The following PTPN3 variants were observed in gnomAD, a reference collection of about 807,000 sequenced individuals.
The protein encoded by PTPN3 is protein tyrosine phosphatase non-receptor type 3.
In PTPN3, 96 loss-of-function variants were observed where a neutral mutation model predicts 132.7. The ratio of observed to expected loss-of-function variants is 0.72; its 90% confidence interval spans 0.61 to 0.86. The LOEUF is 0.86. Ranked by LOEUF, PTPN3 falls within the 40% of genes least tolerant of loss-of-function variation. The probability of loss-of-function intolerance (pLI) is 0.00; values close to 1 mark genes in which losing one functional copy is unlikely to be tolerated. For missense variants in PTPN3, 1,125 were observed against 1,159.6 expected (o/e 0.97, Z 0.43); for synonymous variants, 398 against 429.0 (o/e 0.93, Z 0.89).
the PTPN3 span, among the ~76,000 whole-genome samples, chr9:109,520,650 T>C: frequency 2.0e-5 from 3 of 152,214 alleles, no homozygotes; most frequent in East Asian, 5.8e-4. Flanking sequence ...ACAGTTTGTG[T>C]CAAGCACACA....
At chr9:109,451,886 A>G (rs1845269280) in intron 5 of PTPN3, among the ~76,000 whole-genome samples, 1 of 152,186 alleles carries the variant, frequency 6.6e-6, no homozygotes, top group African/African-American at 2.4e-5. Context: ...GACAATCACT[A>G]GTTTAGGCAG....
intron 19 of PTPN3, among the ~76,000 whole-genome samples, chr9:109,397,128 G>A (rs1242254727): frequency 4.6e-5 from 7 of 152,192 alleles, no homozygotes; most frequent in Non-Finnish European, 8.8e-5. Flanking sequence ...GACAGCAAAG[G>A]CCAGAAGCAG....
chr9:109,396,476 G>A (rs1043633863), intron 19 of PTPN3, among the ~76,000 whole-genome samples: 2 of 152,192 alleles, frequency 1.3e-5, no homozygotes, highest in African/African-American at 4.8e-5. Context: ...CCTGGCTGCA[G>A]GTCCCTTAGA....
In PTPN3 at chr9:109,438,204, T is replaced by C; in HGVS notation, c.497A>G (p.His166Arg). 1.2e-6 allele frequency: 2 copies of C among 1,613,068 alleles called. No individual in the cohort carries two copies. The highest frequency in any genetic ancestry group is 1.7e-6 in the Non-Finnish European group (2 of 1,179,194). ...SHFGDYNSSI[H>R]HPGYLSDSHF... ...ACTATCGGAAAGATAGCCTGGATGA[T>C]GTATGGAAGAATTATAGTCTCCAAA... is the stretch of plus-strand genomic sequence containing the variant. The change falls in exon 8 of 26, where the codon CAT becomes CGT. Residue 166 changes from histidine to arginine, a missense_variant. His to Arg is a conservative substitution (Grantham distance 29). Transcript: ENST00000374541.
intron 2 of PTPN3, among the ~76,000 whole-genome samples, chr9:109,461,646 G>A (rs556406513): frequency 3.3e-5 from 5 of 152,012 alleles, no homozygotes; most frequent in African/African-American, 1.2e-4. Context: ...AGTCCCAGCT[G>A]CTTGGGAGGC....
At chr9:109,381,596 C>G (rs1839091298) in intron 25 of PTPN3, 56 bp downstream of exon 25, 1 of 1,596,978 alleles carries the variant, frequency 6.3e-7, no homozygotes, top group South Asian at 1.1e-5. Flanking sequence ...CTCAGGCCTG[C>G]CTGGTGTAAG....
At chr9:109,441,544 C>T (rs914914544) in intron 7 of PTPN3, among the ~76,000 whole-genome samples, 1 of 152,192 alleles carries the variant, frequency 6.6e-6, no homozygotes, top group Non-Finnish European at 1.5e-5. Context: ...AGGCTGTAGA[C>T]TCCTTGGGGA....
intron 12 of PTPN3, among the ~76,000 whole-genome samples, chr9:109,424,986 A>G (rs1191262748): frequency 6.6e-6 from 1 of 152,230 alleles, no homozygotes; most frequent in Non-Finnish European, 1.5e-5. Context: ...CAGCTCAGCA[A>G]CAGAGGGCAT....
Position 109,433,327 on chromosome 9 carries a change from C to T in PTPN3, c.676-166G>A, listed in dbSNP as rs543002930. 1.0e-3 allele frequency among the ~76,000 whole-genome samples: 157 copies of T among 152,268 alleles called. 2 individuals are homozygous for T. In the Middle Eastern group the frequency reaches 0.017, roughly 16 times the overall value. ...GCCCCACTTAACGGATACTTAAGAT[C>T]GAAGTACTGAGTACCAAATTCTTCT... On this transcript the variant is annotated intron_variant, in intron 9 of 25. Transcript: ENST00000374541.
chr9:109,386,634 C>A (rs1297702957), intron 22 of PTPN3, among the ~76,000 whole-genome samples: 5 of 152,104 alleles, frequency 3.3e-5, no homozygotes, highest in Non-Finnish European at 7.4e-5. Context: ...ATGGATCATT[C>A]AGGCAGAGGG....
chr9:109,379,562 A>G lies in PTPN3; in HGVS notation c.2736T>C (p.Pro912=), dbSNP rs1564365263. The G allele has an allele frequency of 3.7e-6, 6 of 1,613,032 alleles. No individual in the cohort carries two copies. Among genetic ancestry groups the G allele is most frequent in the Non-Finnish European group, 5.1e-6 (6 of 1,179,096 alleles). ...GAACTTTTTCACAGTTGTCTTAACT[A>G]GGATCCAGCATTTGGACTAAACCTT... ...YEEGLVQMLD[P]S The change falls in exon 26 of 26, where the codon CCT becomes CCC. Residue 912 remains proline (P), a synonymous_variant. Transcript: ENST00000374541.
chr9:109,510,710 G>A, the PTPN3 span, among the ~76,000 whole-genome samples: 1 of 150,252 alleles, frequency 6.7e-6, no homozygotes, highest in Non-Finnish European at 1.5e-5. Flanking sequence ...GAAAATGCTA[G>A]CACTAGTGAT....
Position 109,375,892 on chromosome 9 carries a change from A to C in PTPN3, c.*3664T>G, listed in dbSNP as rs1321131778. The C allele has an allele frequency of 6.6e-6, 1 of 152,240 alleles. No homozygotes were observed. The highest frequency in any genetic ancestry group is 1.9e-4 in the East Asian group (1 of 5,202). The allele number at this position is 152,240 out of a possible 1,614,324, so 9.4% of individuals were successfully genotyped here. A position where few individuals can be genotyped will look rare whatever the true frequency, so the allele number is the denominator to read the frequency against. On this transcript the variant is annotated 3_prime_UTR_variant, in exon 26 of 26. Coordinates refer to ENST00000374541, the MANE Select transcript of PTPN3 (RefSeq NM_002829.4). ...ATGAGAGCTATGAGAATGGTGGCCC[A>C]GCCCGGCCATCAGACTCCCAAGCAT... is the stretch of plus-strand genomic sequence containing the variant.
At chr9:109,455,857 C>T (rs984322206) in intron 4 of PTPN3, among the ~76,000 whole-genome samples, 2 of 152,182 alleles carry the variant, frequency 1.3e-5, no homozygotes, top group Admixed American at 6.5e-5. Context: ...CAGGGCTTAG[C>T]CCAGCACCTT....
chr9:109,481,693 A>G (rs914253155), intron 1 of PTPN3, among the ~76,000 whole-genome samples: 36 of 152,206 alleles, frequency 2.4e-4, no homozygotes, highest in Non-Finnish European at 3.7e-4. Context: ...TGCCATCTCC[A>G]TGGCATCTAG....
rs1564401010 is a variant in PTPN3, at chr9:109,406,601, A to G, written c.1653T>C (p.Pro551=). 3.7e-6 allele frequency: 6 copies of G among 1,614,132 alleles called. No individual in the cohort carries two copies. Among genetic ancestry groups the G allele is most frequent in the Non-Finnish European group, 5.1e-6 (6 of 1,179,990 alleles). ...CGATTTGATCCCCTTCGTTCAGCTT[A>G]GGAATGCAGGTGTCCGCCTGGGTGG... The part of the protein sequence containing the change: ...NPESPADTCI[P]KLNEGDQIVL... The change falls in exon 18 of 26, where the codon CCT becomes CCC. Residue 551 remains proline (P), a synonymous_variant. Coordinates refer to ENST00000374541, the MANE Select transcript of PTPN3 (RefSeq NM_002829.4).
At chr9:109,487,916 T>C (rs761485706) in intron 1 of PTPN3, among the ~76,000 whole-genome samples, 1 of 152,014 alleles carries the variant, frequency 6.6e-6, no homozygotes, top group Non-Finnish European at 1.5e-5. Context: ...TGCCCTTGAG[T>C]ATGTTACATC....
the PTPN3 span, among the ~76,000 whole-genome samples, chr9:109,510,576 A>AAAAATATATATATAT: frequency 2.1e-5 from 1 of 47,330 alleles, no homozygotes; most frequent in South Asian, 7.9e-4. Flanking sequence ...AAAAAAAAAA[A>AAAAATATATATATAT]ATATATATAT....
intron 11 of PTPN3, 113 bp from the exon 12 acceptor site, chr9:109,427,235 G>A (rs980523672): frequency 4.6e-5 from 56 of 1,206,806 alleles, no homozygotes; most frequent in Non-Finnish European, 6.1e-5. Flanking sequence ...GCAGAAAACT[G>A]GTTTCAAAAT....
Sources: gnomAD v4.1 joint callset for allele counts (sites outside exome capture counted in the v4.1 genomes callset) on GRCh38, gnomAD v4.1.1 for gene constraint, MANE v1.5 for transcripts, NCBI Gene and HGNC (gene_info 2026-07-23, HGNC 2026-07-21) for gene names.